The following JARID2 variants were observed in gnomAD, a reference collection of about 807,000 sequenced individuals.
JARID2 encodes the protein protein Jumonji.
A neutral mutation model predicts 125.6 loss-of-function variants in JARID2; 21 were observed. That is an observed-to-expected ratio of 0.17 (90% CI 0.12 to 0.24). The LOEUF is 0.24. Among genes scored for constraint, JARID2 ranks in the 10% least tolerant of loss-of-function variants. The probability of loss-of-function intolerance (pLI) is 1.00; values close to 1 mark genes in which losing one functional copy is unlikely to be tolerated. For synonymous variants in JARID2, 736 were observed against 661.6 expected (o/e 1.11, Z -1.73); for missense variants, 1,303 against 1,639.6 (o/e 0.79, Z 3.55).
intron 3 of JARID2, among the ~76,000 whole-genome samples, chr6:15,416,702 G>GGGGAGA (rs889882472): frequency 1.4e-4 from 21 of 147,586 alleles, no homozygotes; most frequent in East Asian, 3.9e-4. Context: ...GGGAGACCGT[G>GGGGAGA]GGGAGAGGGA....
chr6:15,257,093 A>C (rs1476189169), intron 1 of JARID2, among the ~76,000 whole-genome samples: 1 of 152,166 alleles, frequency 6.6e-6, no homozygotes, highest in Non-Finnish European at 1.5e-5. Context: ...TGGGGCATGA[A>C]ATCCAGGTCC....
chr6:15,399,313 T>C (rs1032412771), intron 2 of JARID2, among the ~76,000 whole-genome samples: 3 of 152,182 alleles, frequency 2.0e-5, no homozygotes, highest in Admixed American at 6.5e-5. Context: ...TGTTGAGACA[T>C]AGGAGCTACC....
At chr6:15,389,144 A>C (rs1167510561) in intron 2 of JARID2, among the ~76,000 whole-genome samples, 1 of 152,130 alleles carries the variant, frequency 6.6e-6, no homozygotes, top group East Asian at 1.9e-4. Context: ...GCAATCATTT[A>C]ACTGTCTTTT....
At chr6:15,443,678 AT>A (rs1345346333) in intron 3 of JARID2, among the ~76,000 whole-genome samples, 1 of 152,208 alleles carries the variant, frequency 6.6e-6, no homozygotes, top group East Asian at 1.9e-4. Context: ...CAAAAGATTT[AT>A]TACAGAAATT....
At chr6:15,505,702 C>T (rs968887784) in intron 9 of JARID2, among the ~76,000 whole-genome samples, 10 of 152,244 alleles carry the variant, frequency 6.6e-5, no homozygotes, top group South Asian at 4.1e-4. Flanking sequence ...ACCCTGGGTG[C>T]GGCTGTTGAA....
At chr6:15,292,175 C>G (rs1235661720) in intron 1 of JARID2, among the ~76,000 whole-genome samples, 1 of 151,972 alleles carries the variant, frequency 6.6e-6, no homozygotes, top group African/African-American at 2.4e-5. Flanking sequence ...CGCCACCTCG[C>G]CCGGCTAATT....
intron 1 of JARID2, among the ~76,000 whole-genome samples, chr6:15,317,153 A>AT (rs548850420): frequency 5.3e-5 from 8 of 152,016 alleles, no homozygotes; most frequent in South Asian, 4.2e-4. Context: ...TAGCAGTAGA[A>AT]TTTTTTTTCA....
chr6:15,247,689 T>C (rs1214922363), intron 1 of JARID2: 1 of 985,342 alleles, frequency 1.0e-6, no homozygotes, highest in Non-Finnish European at 1.2e-6. Context: ...GGGGCACTGG[T>C]TTTGTAAAAA....
intron 1 of JARID2, among the ~76,000 whole-genome samples, chr6:15,267,216 G>C (rs918174420): frequency 9.9e-5 from 15 of 152,154 alleles, no homozygotes; most frequent in Non-Finnish European, 2.1e-4. Flanking sequence ...TTCCTGGAGT[G>C]TTATTCTCTT....
chr6:15,380,261 C>G (rs1189339389), intron 2 of JARID2, among the ~76,000 whole-genome samples: 1 of 152,122 alleles, frequency 6.6e-6, no homozygotes, highest in African/African-American at 2.4e-5. Flanking sequence ...TCTCAAACTC[C>G]TGACCTGAGG....
intron 1 of JARID2, among the ~76,000 whole-genome samples, chr6:15,359,586 A>G (rs1763721119): frequency 6.6e-6 from 1 of 152,078 alleles, no homozygotes; most frequent in Non-Finnish European, 1.5e-5. Context: ...TTGAAAGCCT[A>G]AGTATAAATA....
chr6:15,467,415 C>G (rs1293819390), intron 4 of JARID2, among the ~76,000 whole-genome samples: 1 of 151,944 alleles, frequency 6.6e-6, no homozygotes, highest in Non-Finnish European at 1.5e-5. Flanking sequence ...TACTATTAGA[C>G]TGAAGGGGAT....
chr6:15,503,596 G>A (rs1021076806), intron 8 of JARID2, among the ~76,000 whole-genome samples: 25 of 152,164 alleles, frequency 1.6e-4, no homozygotes, highest in African/African-American at 5.8e-4. Flanking sequence ...TTTGAGGCCT[G>A]TGTCTTCCCC....
At chr6:15,412,289 A>AT (rs1561844743) in intron 3 of JARID2, among the ~76,000 whole-genome samples, 1 of 152,096 alleles carries the variant, frequency 6.6e-6, no homozygotes, top group East Asian at 1.9e-4. Context: ...GTGTAGTGTC[A>AT]TTAGGGTATG....
Position 15,410,357 on chromosome 6 carries a change from G to C in JARID2, c.315G>C (p.Ser105=). The stretch of plus-strand genomic sequence containing the variant: ...CTTCAGATTTTGAAGAAGGGCCGTC[G>C]AGGAAAAGGTTAGTACCCAAGGCTG... The part of the protein sequence containing the change: ...VSSSDFEEGP[S]RKRPRLQAQR... Residue 105 remains serine (S), a synonymous_variant, in exon 3 of 18, where the codon TCG becomes TCC. Coordinates refer to ENST00000341776, the MANE Select transcript of JARID2 (RefSeq NM_004973.4). The C allele has an allele frequency of 6.2e-7, 1 of 1,613,986 alleles. No homozygotes were observed. The highest frequency in any genetic ancestry group is 8.5e-7 in the Non-Finnish European group (1 of 1,179,928).
At chr6:15,277,760 AATAG>A (rs940360904) in intron 1 of JARID2, among the ~76,000 whole-genome samples, 2 of 149,122 alleles carry the variant, frequency 1.3e-5, no homozygotes, top group African/African-American at 2.5e-5. Context: ...GTAACTTACT[AATAG>A]ATAGCCAAGT....
chr6:15,425,657 G>A (rs1766694019), intron 3 of JARID2, among the ~76,000 whole-genome samples: 1 of 152,164 alleles, frequency 6.6e-6, no homozygotes, highest in South Asian at 2.1e-4. Context: ...GTTAGGTAAT[G>A]GCATGAAGGC....
At chr6:15,375,472 G>T (rs1246587809) in intron 2 of JARID2, among the ~76,000 whole-genome samples, 1 of 152,166 alleles carries the variant, frequency 6.6e-6, no homozygotes, top group Non-Finnish European at 1.5e-5. Context: ...GGCCCATTTT[G>T]AGTCTTAACA....
At chr6:15,435,329 T>C (rs953794487) in intron 3 of JARID2, among the ~76,000 whole-genome samples, 1 of 152,228 alleles carries the variant, frequency 6.6e-6, no homozygotes, top group African/African-American at 2.4e-5. Context: ...GCTTGAGAGA[T>C]GATTTTTATA....
Sources: gnomAD v4.1 joint callset for allele counts (sites outside exome capture counted in the v4.1 genomes callset) on GRCh38, gnomAD v4.1.1 for gene constraint, MANE v1.5 for transcripts, NCBI Gene and HGNC (gene_info 2026-07-23, HGNC 2026-07-21) for gene names.